PHF12: variants seen among roughly 807,000 people sequenced by gnomAD.
The protein encoded by PHF12 is PHD factor 1.
Under a neutral mutation model 99.8 loss-of-function variants are expected in PHF12, and 6 were observed. The ratio of observed to expected loss-of-function variants is 0.06; its 90% CI spans 0.03 to 0.12. PHF12 has a LOEUF of 0.12. PHF12 is among the 10% of genes least tolerant of loss of function. The pLI, the probability that PHF12 is intolerant of heterozygous loss-of-function variation, is 1.00. For synonymous variants in PHF12, 480 were observed against 514.9 expected, an observed-to-expected ratio of 0.93 and a Z score of 0.92; for missense variants, 954 against 1,300.1, an observed-to-expected ratio of 0.73 and a Z score of 4.09.
intron 2 of PHF12, among the ~76,000 whole-genome samples, chr17:28,938,846 C>T (rs1567969238): frequency 1.3e-5 from 2 of 152,164 alleles, no homozygotes; most frequent in African/African-American, 4.8e-5. Flanking sequence ...GTTATACCCA[C>T]CAGTGACCTA....
chr17:28,946,989 T>C (rs2040732644), intron 2 of PHF12, among the ~76,000 whole-genome samples: 1 of 152,140 alleles, frequency 6.6e-6, no homozygotes, highest in Admixed American at 6.5e-5. Context: ...GGACAATTTT[T>C]TTTTTTTCTC....
intron 9 of PHF12, 78 bp downstream of exon 9, chr17:28,912,404 A>G (rs1382435018): frequency 1.8e-5 from 27 of 1,505,562 alleles, no homozygotes; most frequent in Admixed American, 2.3e-5. Context: ...TCACAGGGAT[A>G]TAAGTGCTTT....
At chr17:28,930,546 GT>G (rs1201483349) in intron 2 of PHF12, among the ~76,000 whole-genome samples, 1 of 152,156 alleles carries the variant, frequency 6.6e-6, no homozygotes, top group Non-Finnish European at 1.5e-5. Flanking sequence ...AATTACTTAT[GT>G]TTTCTAAGTT....
In PHF12 at chr17:28,906,885, C is replaced by G; in HGVS notation, c.2651G>C (p.Ser884Thr). Residue 884 changes from serine (S) to threonine (T), a missense_variant, in exon 14 of 15, where the codon AGT becomes ACT. Physicochemically the swap from Ser to Thr is moderately conservative, Grantham distance 58. This residue lies in a region of PHF12 where 136 missense variants were observed against 172.3 expected (regional missense o/e 0.79). Coordinates refer to ENST00000332830, the MANE Select transcript of PHF12 (RefSeq NM_001033561.2). The surrounding 1 kb of genome is among the most constrained non-coding windows in gnomAD (Gnocchi z 4.2). ...GACACTCTGCACTTTGGCAACAATA[C>G]TGCTTGGGGGGGTTGGCGGGGTCTT... is the stretch of plus-strand genomic sequence containing the variant. ...SEKTPPTPPS[S>T]IVAKVQSVIR... The G allele has an allele frequency of 2.5e-6, 4 of 1,610,070 alleles. No homozygotes were observed. Among genetic ancestry groups the G allele is most frequent in the Non-Finnish European group, 3.4e-6 (4 of 1,178,188 alleles).
At chr17:28,911,863 G>A (rs1329021413) in intron 9 of PHF12, among the ~76,000 whole-genome samples, 1 of 152,236 alleles carries the variant, frequency 6.6e-6, no homozygotes, top group Non-Finnish European at 1.5e-5. Flanking sequence ...TGAGAGAGCA[G>A]GTCCACAGTA....
chr17:28,910,122 G>T, intron 11 of PHF12, 104 bp downstream of exon 11: 2 of 1,515,334 alleles, frequency 1.3e-6, no homozygotes, highest in South Asian at 1.1e-5. Flanking sequence ...CACACAAGGA[G>T]GTTTGAGATA....
At chr17:28,937,091 T>C (rs1255326605) in intron 2 of PHF12, among the ~76,000 whole-genome samples, 1 of 152,216 alleles carries the variant, frequency 6.6e-6, no homozygotes, top group Non-Finnish European at 1.5e-5. Context: ...CAAACTTATG[T>C]CCTGGAAAAG....
chr17:28,908,755 G>C, intron 12 of PHF12, 28 bp downstream of exon 12: 1 of 1,604,708 alleles, frequency 6.2e-7, no homozygotes, highest in Non-Finnish European at 8.5e-7. Context: ...CAGATTCAGT[G>C]TCTCTCCCAG....
chr17:28,939,939 C>T (rs1324127570), intron 2 of PHF12, among the ~76,000 whole-genome samples: 1 of 152,228 alleles, frequency 6.6e-6, no homozygotes, highest in Non-Finnish European at 1.5e-5. Flanking sequence ...CAAAACGAGC[C>T]TCACGCAGAG....
chr17:28,942,377 C>T (rs993942981), intron 2 of PHF12, among the ~76,000 whole-genome samples: 9 of 151,924 alleles, frequency 5.9e-5, no homozygotes, highest in South Asian at 2.1e-4. Context: ...AAAAATTAGC[C>T]GGGTGTAGTG....
Position 28,906,683 on chromosome 17 carries a change from T to A in PHF12, c.2681-166A>T. On this transcript the variant is annotated intron_variant, in intron 14 of 14. Transcript: ENST00000332830. This position sits in a 1 kb window ranked among gnomAD's most constrained non-coding sequence, Gnocchi z 4.2. Reference sequence around the variant, plus strand: ...GGAGTCTGAAGTCCCCACAGGTGTGTACACACATGGGGGTACTCAGCACTT... The same window carrying A: ...GGAGTCTGAAGTCCCCACAGGTGTGAACACACATGGGGGTACTCAGCACTT... 1 of 1,206,062 alleles carries A rather than the reference T, an allele frequency of 8.3e-7. No individual in the cohort carries two copies. The highest frequency in any genetic ancestry group is 1.1e-6 in the Non-Finnish European group (1 of 871,698). 74.7% of individuals were successfully genotyped at this position (1,206,062 alleles called of 1,614,324 possible).
At position 28,928,027 on chromosome 17, in the gene PHF12, C is replaced by T. The variant is rs1387508005; in HGVS notation, c.249-964G>A. ...TTGGGAGGCTGAGGCAGAAGAATTG[C>T]TTGAATTTGGGAGGTGGAGGTTGCA... On this transcript the variant is annotated intron_variant, in intron 2 of 14. Transcript: ENST00000332830. Among the ~76,000 whole-genome samples the T allele has an allele frequency of 3.9e-5, 6 of 152,110 alleles. No individual in the cohort carries two copies. The South Asian group carries it at 1.2e-3, about 32-fold the overall frequency.
At chr17:28,932,683 C>T (rs1010307089) in intron 2 of PHF12, among the ~76,000 whole-genome samples, 1 of 152,166 alleles carries the variant, frequency 6.6e-6, no homozygotes, top group African/African-American at 2.4e-5. Context: ...TGGTGGCTCA[C>T]GCCTGTAATC....
At chr17:28,940,711 A>C (rs1226568073) in intron 2 of PHF12, among the ~76,000 whole-genome samples, 1 of 152,238 alleles carries the variant, frequency 6.6e-6, no homozygotes, top group Non-Finnish European at 1.5e-5. Flanking sequence ...AAGGAGTCAC[A>C]TTCTCATTCT....
chr17:28,920,875 T>C (rs1452043949), intron 5 of PHF12, among the ~76,000 whole-genome samples: 1 of 151,012 alleles, frequency 6.6e-6, no homozygotes, highest in Non-Finnish European at 1.5e-5. Context: ...TTTTTATTTA[T>C]TTTTATTTAT....
chr17:28,921,587 G>T, intron 5 of PHF12, 101 bp downstream of exon 5: 1 of 1,415,274 alleles, frequency 7.1e-7, no homozygotes, highest in Non-Finnish European at 9.8e-7. Context: ...TCAGAATATG[G>T]GCTGTTCACA....
Position 28,924,035 on chromosome 17 carries a change from C to T in PHF12, c.589G>A (p.Ala197Thr). 6.2e-7 allele frequency: 1 copy of T among 1,614,200 alleles called. No homozygotes were observed. The highest frequency in any genetic ancestry group is 8.5e-7 in the Non-Finnish European group (1 of 1,180,042). Residue 197 changes from alanine to threonine, a missense_variant, in exon 4 of 15, where the codon GCG (alanine) becomes ACG (threonine). By Grantham distance (58) the Ala-to-Thr change is moderately conservative. Transcript: ENST00000332830. ...TGGGGCTGCACATAGTCTGGCTCCGCTGCTACTGGTTCCTCATCCACGTCA... is the reference window on the plus strand; with the variant it reads ...TGGGGCTGCACATAGTCTGGCTCCGTTGCTACTGGTTCCTCATCCACGTCA... ...IIDVDEEPVA[A>T]EPDYVQPQLR... is the part of the protein sequence containing the mutation.
intron 2 of PHF12, among the ~76,000 whole-genome samples, chr17:28,935,869 A>G (rs1482334690): frequency 6.6e-6 from 1 of 152,180 alleles, no homozygotes; most frequent in Non-Finnish European, 1.5e-5. Context: ...AGATCAGTCT[A>G]TTTCTGGAGT....
chr17:28,906,044 TTTC>T lies in PHF12; in HGVS notation c.*136_*138del, dbSNP rs1598112419. 1.2e-6 allele frequency: 1 copy of T among 841,926 alleles called. No homozygotes were observed. Among genetic ancestry groups the T allele is most frequent in the Non-Finnish European group, 1.7e-6 (1 of 577,526 alleles). The allele number at this position is 841,926 out of a possible 1,614,324, so 52.2% of individuals were successfully genotyped here. Reference sequence around the variant, plus strand: ...GATTTTTAAAAAACAGTCAAAAGGTTTTCTTCATTTCATGCAAAGATTGTAGTT... The same window carrying T: ...GATTTTTAAAAAACAGTCAAAAGGTTTTCATTTCATGCAAAGATTGTAGTT... On this transcript the variant is annotated 3_prime_UTR_variant, in exon 15 of 15. Coordinates refer to ENST00000332830, the MANE Select transcript of PHF12 (RefSeq NM_001033561.2). The surrounding 1 kb of genome is among the most constrained non-coding windows in gnomAD (Gnocchi z 4.2).
Sources: gnomAD v4.1 joint callset for allele counts (sites outside exome capture counted in the v4.1 genomes callset) on GRCh38, gnomAD v4.1.1 for gene constraint, gnomAD v4.1.1 regional missense constraint, Gnocchi (gnomAD v3.1) non-coding constraint, MANE v1.5 for transcripts, NCBI Gene and HGNC (gene_info 2026-07-23, HGNC 2026-07-21) for gene names.